Variants in CTNNA3 observed in about 807,000 individuals in gnomAD.
CTNNA3 encodes the protein catenin alpha-3.
In CTNNA3, 76 loss-of-function variants were observed where a neutral mutation model predicts 95.7. The observed-to-expected ratio is 0.79, with a 90% CI of 0.66 to 0.96. The LOEUF (loss-of-function observed/expected upper bound fraction) is 0.96. Among genes scored for constraint, CTNNA3 ranks in the 40% least tolerant of loss-of-function variants. The probability of loss-of-function intolerance (pLI) is 0.00; values close to 1 mark genes in which losing one functional copy is unlikely to be tolerated. For synonymous variants in CTNNA3, 431 were observed against 374.4 expected (o/e 1.15, Z -1.74); for missense variants, 1,191 against 1,089.8 (o/e 1.09, Z -1.31).
chr10:66,982,789 T>C (rs1470379634), intron 7 of CTNNA3, among the ~76,000 whole-genome samples: 1 of 152,118 alleles, frequency 6.6e-6, no homozygotes, highest in Non-Finnish European at 1.5e-5. Context: ...AATACAGGTA[T>C]GAATGGAGTC....
At chr10:67,706,573 C>T (rs1391275800) in intron 1 of CTNNA3, among the ~76,000 whole-genome samples, 2 of 152,016 alleles carry the variant, frequency 1.3e-5, no homozygotes, top group African/African-American at 2.4e-5. Flanking sequence ...CATTCCAAGT[C>T]CCTTGGGAGG....
chr10:66,171,408 T>G (rs1026541062), intron 13 of CTNNA3, among the ~76,000 whole-genome samples: 2 of 151,610 alleles, frequency 1.3e-5, no homozygotes. Flanking sequence ...TAGCCAGGCA[T>G]GGTGGTGGGC....
intron 5 of CTNNA3, among the ~76,000 whole-genome samples, chr10:67,234,283 AATCC>A (rs1471726652): frequency 6.6e-6 from 1 of 152,226 alleles, no homozygotes; most frequent in Non-Finnish European, 1.5e-5. Context: ...TGGGAAACCA[AATCC>A]AGCAGCACAT....
intron 3 of CTNNA3, among the ~76,000 whole-genome samples, chr10:67,583,423 G>A (rs189046176): frequency 1.8e-3 from 268 of 152,324 alleles, no homozygotes; most frequent in African/African-American, 6.0e-3. Flanking sequence ...TCTGCTGAGA[G>A]ATCCACTGTT....
intron 7 of CTNNA3, among the ~76,000 whole-genome samples, chr10:67,136,667 A>G (rs1860321320): frequency 6.6e-6 from 1 of 152,094 alleles, no homozygotes. Context: ...AAGGAAAAAT[A>G]CTCTAGAAAA....
At chr10:67,330,801 G>A (rs2132581925) in intron 5 of CTNNA3, among the ~76,000 whole-genome samples, 1 of 152,216 alleles carries the variant, frequency 6.6e-6, no homozygotes, top group Non-Finnish European at 1.5e-5. Context: ...CGATACCTGG[G>A]ATAAACTGGT....
chr10:66,287,050 A>G (rs528297072), intron 12 of CTNNA3, among the ~76,000 whole-genome samples: 30 of 152,210 alleles, frequency 2.0e-4, no homozygotes, highest in African/African-American at 7.0e-4. Context: ...ACTTCCCTCA[A>G]TCAGCACCCC....
rs1842141602 is a variant in CTNNA3 at position 67,340,381 on chromosome 10, T to C, written c.580-120511A>G. ...AATCTTGTGAAATTTATCTGGTCTT[T>C]CCTGAAGCTCTTTGGTATCTCCATA... On this transcript the variant is annotated intron_variant, in intron 5 of 17. Coordinates refer to ENST00000433211, the MANE Select transcript of CTNNA3 (RefSeq NM_013266.4). 3.3e-5 allele frequency among the ~76,000 whole-genome samples: 5 copies of C among 152,362 alleles called. No homozygotes were observed. The South Asian group carries it at 8.3e-4, about 25-fold the overall frequency.
At chr10:66,191,735 T>C (rs2086678113) in intron 13 of CTNNA3, among the ~76,000 whole-genome samples, 1 of 152,150 alleles carries the variant, frequency 6.6e-6, no homozygotes, top group Admixed American at 6.5e-5. Context: ...TTTCTGGCTA[T>C]TGAAAATGAC....
At chr10:66,870,330 TA>T (rs1844348675) in intron 7 of CTNNA3, among the ~76,000 whole-genome samples, 1 of 152,216 alleles carries the variant, frequency 6.6e-6, no homozygotes, top group Non-Finnish European at 1.5e-5. Context: ...GATGTTTTGC[TA>T]CGGCTATTAA....
intron 13 of CTNNA3, among the ~76,000 whole-genome samples, chr10:66,129,663 C>T (rs1009371096): frequency 2.0e-5 from 3 of 152,110 alleles, no homozygotes; most frequent in African/African-American, 7.2e-5. Flanking sequence ...GCTTGCAGTG[C>T]AGCCCCCAGG....
chr10:67,208,180 G>T (rs1427451222), intron 6 of CTNNA3, among the ~76,000 whole-genome samples: 1 of 151,956 alleles, frequency 6.6e-6, no homozygotes. Context: ...AGACCAGCCT[G>T]GCCAAGATGG....
rs1398477138 is a variant in CTNNA3, at chr10:66,729,971, T to C, written c.1281+36293A>G. Reference sequence around the variant, plus strand: ...TACAAAAAAAATTAGCCAGGCGTGGTGGCAGGTGCCTGTAGTCCCAGCTAC... The same window carrying C: ...TACAAAAAAAATTAGCCAGGCGTGGCGGCAGGTGCCTGTAGTCCCAGCTAC... On this transcript the variant is annotated intron_variant, in intron 9 of 17. Transcript: ENST00000433211. Among the ~76,000 whole-genome samples, 4 of 151,836 alleles carry C rather than the reference T, an allele frequency of 2.6e-5. 1 individual carries two copies. The highest frequency in any genetic ancestry group is 5.9e-5 in the Non-Finnish European group (4 of 67,972).
In CTNNA3 at chr10:67,642,340, GA is replaced by G. The variant is rs915735670; in HGVS notation, c.99+5074del. On this transcript the variant is annotated intron_variant, in intron 2 of 17. Transcript: ENST00000433211. ...ACAAGGAACTTAAACAAATTTACAA[GA>G]AAAAAAAAACATTAAAAAGTGGGCA... Among the ~76,000 whole-genome samples, 179 of 145,938 alleles carry G rather than the reference GA, an allele frequency of 1.2e-3. 2 individuals carry two copies. The highest frequency in any genetic ancestry group is 1.4e-3 in the Non-Finnish European group (94 of 66,068).
chr10:66,166,070 A>C (rs2085111284), intron 13 of CTNNA3, among the ~76,000 whole-genome samples: 1 of 152,040 alleles, frequency 6.6e-6, no homozygotes. Context: ...CCAGCCATAA[A>C]ATTTATTTTC....
intron 6 of CTNNA3, among the ~76,000 whole-genome samples, chr10:67,203,857 C>T (rs1589859137): frequency 6.6e-6 from 1 of 152,116 alleles, no homozygotes; most frequent in Non-Finnish European, 1.5e-5. Context: ...ATCTTCTCAC[C>T]TGTTGCAGAT....
chr10:67,387,070 A>G (rs1188363859), intron 5 of CTNNA3, among the ~76,000 whole-genome samples: 1 of 152,214 alleles, frequency 6.6e-6, no homozygotes, highest in Non-Finnish European at 1.5e-5. Flanking sequence ...ACGGCCGAAT[A>G]GGAACGGCTC....
chr10:67,145,662 C>T (rs1860804429), intron 7 of CTNNA3, among the ~76,000 whole-genome samples: 1 of 152,062 alleles, frequency 6.6e-6, no homozygotes, highest in African/African-American at 2.4e-5. Flanking sequence ...AACTCCTGAC[C>T]TCGTGATCCA....
chr10:67,086,527 T>C (rs1038672362), intron 7 of CTNNA3, among the ~76,000 whole-genome samples: 1 of 152,000 alleles, frequency 6.6e-6, no homozygotes, highest in Non-Finnish European at 1.5e-5. Flanking sequence ...ATCCAAGTCC[T>C]GCCAAAGCAG....
Sources: allele counts gnomAD v4.1 joint callset (sites outside exome capture counted in the v4.1 genomes callset), GRCh38; gene constraint gnomAD v4.1.1; transcripts MANE v1.5; gene names NCBI Gene and HGNC (gene_info 2026-07-23, HGNC 2026-07-21).